The following TRABD2A variants were observed in gnomAD, a reference collection of about 807,000 sequenced individuals.
TRABD2A encodes the protein metalloprotease TIKI1.
Under a neutral mutation model 45.6 loss-of-function variants are expected in TRABD2A, and 43 were observed. The ratio of observed to expected loss-of-function variants is 0.94; its 90% CI spans 0.74 to 1.22. The LOEUF (loss-of-function observed/expected upper bound fraction) is 1.22. TRABD2A is among the 50% of genes most tolerant of loss of function. The pLI is 0.00. For synonymous variants in TRABD2A, 269 were observed against 265.0 expected (o/e 1.02, Z -0.15); for missense variants, 642 against 652.4 (o/e 0.98, Z 0.17).
In TRABD2A at chr2:84,839,171, G is replaced by A; in HGVS notation, c.969C>T (p.Gly323=). The A allele has an allele frequency of 6.2e-7, 1 of 1,613,942 alleles. No individual in the cohort carries two copies. Among genetic ancestry groups the A allele is most frequent in the Non-Finnish European group, 8.5e-7 (1 of 1,179,876 alleles). ...CACCAGCTCCAAAGGCAAAGAAGAA[G>A]CCTTTGTCAGGGAACTCCTCCAAAA... ...KALLEEFPDK[G]FFFAFGAGHF... The change falls in exon 4 of 7, where the codon GGC becomes GGT. Residue 323 remains glycine (G), a synonymous_variant. Transcript: ENST00000409520.
At chr2:84,867,662 G>A (rs1453739387) in intron 2 of TRABD2A, among the ~76,000 whole-genome samples, 1 of 152,112 alleles carries the variant, frequency 6.6e-6, no homozygotes, top group African/African-American at 2.4e-5. Context: ...TACAGAATGG[G>A]AGAAAATTTT....
chr2:84,846,008 T>C (rs1681883648), intron 2 of TRABD2A, among the ~76,000 whole-genome samples: 1 of 152,100 alleles, frequency 6.6e-6, no homozygotes, highest in Admixed American at 6.5e-5. Flanking sequence ...AAAGTTAAAC[T>C]CTCTGATTTC....
intron 2 of TRABD2A, among the ~76,000 whole-genome samples, chr2:84,850,164 C>T (rs1682031617): frequency 6.6e-6 from 1 of 152,084 alleles, no homozygotes; most frequent in South Asian, 2.1e-4. Context: ...GTCCTTGTCA[C>T]TCACTGTCAA....
intron 2 of TRABD2A, among the ~76,000 whole-genome samples, chr2:84,869,746 G>A (rs891427676): frequency 1.3e-5 from 2 of 151,668 alleles, no homozygotes; most frequent in Non-Finnish European, 2.9e-5. Context: ...TTGGGAGGCC[G>A]AGGCAGGCAG....
intron 4 of TRABD2A, 29 bp from the exon 5 acceptor site, chr2:84,832,174 T>C: frequency 1.2e-6 from 2 of 1,609,720 alleles, no homozygotes; most frequent in Non-Finnish European, 1.7e-6. Context: ...CCTGAAATGC[T>C]GCAGCTCTCA....
chr2:84,845,939 G>A (rs1681880816), intron 2 of TRABD2A, among the ~76,000 whole-genome samples: 1 of 152,102 alleles, frequency 6.6e-6, no homozygotes, highest in South Asian at 2.1e-4. Flanking sequence ...AAAGATGGGT[G>A]GAAAGGAGGT....
At chr2:84,868,494 C>T (rs1238961261) in intron 2 of TRABD2A, among the ~76,000 whole-genome samples, 1 of 145,502 alleles carries the variant, frequency 6.9e-6, no homozygotes, top group Non-Finnish European at 1.5e-5. Context: ...AATGGTGCAG[C>T]TATTAACTAA....
intron 1 of TRABD2A, among the ~76,000 whole-genome samples, chr2:84,875,515 T>A (rs1466636574): frequency 6.6e-6 from 1 of 152,210 alleles, no homozygotes; most frequent in Non-Finnish European, 1.5e-5. Flanking sequence ...GGCTTTCAAC[T>A]GATTCAGATG....
intron 6 of TRABD2A, 126 bp downstream of exon 6, chr2:84,823,827 G>T: frequency 2.2e-6 from 3 of 1,335,956 alleles, no homozygotes; most frequent in South Asian, 1.5e-5. Context: ...GGTGCCTGGG[G>T]TCATGAGGAA....
At position 84,880,990 on chromosome 2, in the gene TRABD2A, G is replaced by A. The variant is rs750372380; in HGVS notation, c.50C>T (p.Thr17Met). ...CGCCCCGCGCCGCGAAGCTGCGCCCGTGGGCAGGAGGCAGAGGGTCTGCAG... is the reference window on the plus strand; with the variant it reads ...CGCCCCGCGCCGCGAAGCTGCGCCCATGGGCAGGAGGCAGAGGGTCTGCAG... ...FLLQTLCLLPTGAASRRGAPG... is the reference protein window; with the variant it reads ...FLLQTLCLLPMGAASRRGAPG... Residue 17 changes from threonine (T) to methionine (M), a missense_variant, in exon 1 of 7, where the codon ACG becomes ATG. Thr to Met is a moderately conservative substitution (Grantham distance 81). Coordinates refer to ENST00000409520, the MANE Select transcript of TRABD2A (RefSeq NM_001277053.2). The A allele has an allele frequency of 5.0e-6, 8 of 1,605,582 alleles. No homozygotes were observed. Among genetic ancestry groups the A allele is most frequent in the Non-Finnish European group, 6.8e-6 (8 of 1,176,928 alleles).
In TRABD2A at chr2:84,839,300, C is replaced by A. The variant is rs1368034274; in HGVS notation, c.840G>T (p.Thr280=). The change falls in exon 4 of 7, where the codon ACG becomes ACT. Residue 280 remains threonine (T), a synonymous_variant. Coordinates refer to ENST00000409520, the MANE Select transcript of TRABD2A (RefSeq NM_001277053.2). ...CAGTGATGCGCTCCTGAGGTGGTAGCGTGGCATTAATAAAATTGGGAACCT... is the reference window on the plus strand; with the variant it reads ...CAGTGATGCGCTCCTGAGGTGGTAGAGTGGCATTAATAAAATTGGGAACCT... ...SSQVPNFINA[T]LPPQERITAQ... is the part of the protein sequence containing the mutation. The A allele has an allele frequency of 4.4e-6, 7 of 1,608,092 alleles. No homozygotes were observed. The East Asian group carries it at 1.6e-4, about 36-fold the overall frequency.
chr2:84,835,560 C>T (rs776000407), intron 4 of TRABD2A: 1 of 152,294 alleles, frequency 6.6e-6, no homozygotes, highest in Non-Finnish European at 1.5e-5. Flanking sequence ...ACTACAGGCA[C>T]ACATCACTAT....
intron 2 of TRABD2A, among the ~76,000 whole-genome samples, chr2:84,865,163 A>T (rs543072531): frequency 2.0e-4 from 31 of 152,314 alleles, no homozygotes; most frequent in South Asian, 4.1e-4. Context: ...CAAGAATTGC[A>T]GTTTCATACA....
At chr2:84,848,551 T>C (rs1212463041) in intron 2 of TRABD2A, among the ~76,000 whole-genome samples, 1 of 147,996 alleles carries the variant, frequency 6.8e-6, no homozygotes, top group Non-Finnish European at 1.5e-5. Flanking sequence ...TTATATATTT[T>C]ATATATATTA....
intron 2 of TRABD2A, among the ~76,000 whole-genome samples, chr2:84,861,161 G>A (rs1211563988): frequency 6.6e-6 from 1 of 152,182 alleles, no homozygotes; most frequent in Non-Finnish European, 1.5e-5. Context: ...GGTACAGTTT[G>A]GTGGAAGACA....
At position 84,824,116 on chromosome 2, in the gene TRABD2A, C is replaced by A. The variant is rs549570443; in HGVS notation, c.1171G>T (p.Ala391Ser). ...VPTLEVPAPE[A>S]VSSGHSTLPP... is the part of the protein sequence containing the mutation. ...AGCGTTGAGTGCCCTGAGGATACGGCTTCTGGTGCCGGTACTTCCAGGGTA... is the reference window on the plus strand; with the variant it reads ...AGCGTTGAGTGCCCTGAGGATACGGATTCTGGTGCCGGTACTTCCAGGGTA... Residue 391 changes from alanine (A) to serine (S), a missense_variant, in exon 6 of 7, where the codon GCC (alanine) becomes TCC (serine). Ala to Ser is a moderately conservative substitution (Grantham distance 99). Coordinates refer to ENST00000409520, the MANE Select transcript of TRABD2A (RefSeq NM_001277053.2). 2 of 1,613,978 alleles carry A rather than the reference C, an allele frequency of 1.2e-6. No homozygotes were observed. Among genetic ancestry groups the A allele is most frequent in the South Asian group, 1.1e-5 (1 of 91,072 alleles).
intron 4 of TRABD2A, among the ~76,000 whole-genome samples, chr2:84,835,748 G>A (rs537960002): frequency 1.3e-5 from 2 of 151,488 alleles, no homozygotes; most frequent in South Asian, 2.1e-4. Context: ...TTACATGGCA[G>A]GAGGGGCTAA....
intron 2 of TRABD2A, among the ~76,000 whole-genome samples, chr2:84,859,496 C>T (rs866628938): frequency 1.8e-4 from 27 of 152,138 alleles, no homozygotes; most frequent in African/African-American, 5.6e-4. Flanking sequence ...TAACCATAAG[C>T]GTGATAATTC....
intron 1 of TRABD2A, among the ~76,000 whole-genome samples, chr2:84,871,413 A>C (rs1308587927): frequency 1.3e-5 from 2 of 152,158 alleles, no homozygotes; most frequent in Non-Finnish European, 2.9e-5. Flanking sequence ...AAAGCTTTTG[A>C]AAGTCCAATG....
Sources: allele counts gnomAD v4.1 joint callset (sites outside exome capture counted in the v4.1 genomes callset), GRCh38; gene constraint gnomAD v4.1.1; transcripts MANE v1.5; gene names NCBI Gene and HGNC (gene_info 2026-07-23, HGNC 2026-07-21).